RBFOX1: variants seen among roughly 807,000 people sequenced by gnomAD.
RBFOX1 encodes RNA binding fox-1 homolog 1.
A neutral mutation model predicts 57.7 loss-of-function variants in RBFOX1; 8 were observed. The observed-to-expected ratio is 0.14, with a 90% confidence interval of 0.08 to 0.25. RBFOX1 has a LOEUF of 0.25. RBFOX1 is among the 10% of genes least tolerant of loss of function. The pLI, the probability that RBFOX1 is intolerant of heterozygous loss-of-function variation, is 1.00. For missense variants in RBFOX1, 611 were observed against 548.5 expected (o/e 1.11, Z -1.14); for synonymous variants, 326 against 222.4 (o/e 1.47, Z -4.15).
chr16:6,573,614 T>C (rs914799146), intron 2 of RBFOX1, among the ~76,000 whole-genome samples: 1 of 152,152 alleles, frequency 6.6e-6, no homozygotes, highest in Non-Finnish European at 1.5e-5. Flanking sequence ...TTTGGAGAGG[T>C]AGAAAAACTC....
At chr16:5,753,814 A>C (rs915239675) in intron 3 of RBFOX1, among the ~76,000 whole-genome samples, 1 of 151,970 alleles carries the variant, frequency 6.6e-6, no homozygotes, top group African/African-American at 2.4e-5. Context: ...CCTCAGATCT[A>C]CAAATAAGTA....
chr16:5,345,034 GTTC>G (rs1422818251), intron 1 of RBFOX1, among the ~76,000 whole-genome samples: 1 of 152,232 alleles, frequency 6.6e-6, no homozygotes, highest in Admixed American at 6.5e-5. Flanking sequence ...CATCTGTCTA[GTTC>G]TTCTGTTCCC....
intron 3 of RBFOX1, among the ~76,000 whole-genome samples, chr16:5,660,040 A>G (rs967063547): frequency 2.0e-5 from 3 of 152,070 alleles, no homozygotes; most frequent in Non-Finnish European, 4.4e-5. Context: ...ACATCCTGAG[A>G]GGGGACCCAT....
At chr16:5,279,854 T>C (rs2063230006) in intron 1 of RBFOX1, among the ~76,000 whole-genome samples, 1 of 152,200 alleles carries the variant, frequency 6.6e-6, no homozygotes, top group Non-Finnish European at 1.5e-5. Flanking sequence ...TTTTTCTGTT[T>C]ACGAGTATAA....
At chr16:6,881,824 C>A (rs1196257382) in intron 3 of RBFOX1, among the ~76,000 whole-genome samples, 1 of 151,134 alleles carries the variant, frequency 6.6e-6, no homozygotes, top group South Asian at 2.1e-4. Context: ...TTTTATTCTC[C>A]CTATTTTACA....
chr16:6,958,998 AAGG>A (rs1432951670), intron 3 of RBFOX1, among the ~76,000 whole-genome samples: 2 of 152,226 alleles, frequency 1.3e-5, no homozygotes, highest in African/African-American at 2.4e-5. Flanking sequence ...AATTAATTAT[AAGG>A]AGAATATTAA....
At chr16:6,057,825 G>GTTTT (rs34335596) in intron 1 of RBFOX1, among the ~76,000 whole-genome samples, 9,309 of 80,758 alleles carry the variant, frequency 0.12, 621 homozygotes, top group African/African-American at 0.14. Flanking sequence ...TTTGCTATGG[G>GTTTT]TTTTTTTTTT....
chr16:7,314,698 T>G (rs1441103344), intron 4 of RBFOX1, among the ~76,000 whole-genome samples: 1 of 152,168 alleles, frequency 6.6e-6, no homozygotes, highest in Non-Finnish European at 1.5e-5. Context: ...TCAGATCACA[T>G]TAGAATCCTC....
In RBFOX1 at chr16:7,502,323, T is replaced by G. The variant is rs139340420; in HGVS notation, c.28-15824T>G. Among the ~76,000 whole-genome samples, 12 of 152,352 alleles carry G rather than the reference T, an allele frequency of 7.9e-5. No homozygotes were observed. The East Asian group carries it at 2.3e-3, about 29-fold the overall frequency. ...AGATACATGGACAAGCACCTGCCCT[T>G]AAGGAGCTTACAACATTGTGGGAGG... On this transcript the variant is annotated intron_variant, in intron 4 of 15. Transcript: ENST00000550418.
chr16:6,528,434 A>G (rs894879291), intron 2 of RBFOX1, among the ~76,000 whole-genome samples: 4 of 152,146 alleles, frequency 2.6e-5, no homozygotes, highest in Non-Finnish European at 5.9e-5. Flanking sequence ...ATAAAACATG[A>G]CCTTGACTTT....
intron 3 of RBFOX1, among the ~76,000 whole-genome samples, chr16:6,946,807 G>C (rs991566556): frequency 6.6e-6 from 1 of 152,106 alleles, no homozygotes; most frequent in Non-Finnish European, 1.5e-5. Context: ...GGGTCTCACT[G>C]TATTGCCCAA....
chr16:6,551,028 A>G (rs997690521), intron 2 of RBFOX1, among the ~76,000 whole-genome samples: 2 of 152,002 alleles, frequency 1.3e-5, no homozygotes, highest in Admixed American at 1.3e-4. Context: ...GCAGAGGAGG[A>G]GATGGATTTT....
chr16:5,979,115 G>C (rs1437553059), intron 4 of RBFOX1, among the ~76,000 whole-genome samples: 1 of 152,146 alleles, frequency 6.6e-6, no homozygotes, highest in Non-Finnish European at 1.5e-5. Context: ...CTTTCTTTTG[G>C]GGCAGAAATG....
intron 2 of RBFOX1, among the ~76,000 whole-genome samples, chr16:6,363,874 A>G (rs1167176428): frequency 6.6e-6 from 1 of 152,226 alleles, no homozygotes; most frequent in Non-Finnish European, 1.5e-5. Flanking sequence ...GAGATGTTTT[A>G]TTAAATGAAA....
At chr16:6,652,756 T>C (rs1021164119) in intron 2 of RBFOX1, among the ~76,000 whole-genome samples, 8 of 151,854 alleles carry the variant, frequency 5.3e-5, no homozygotes, top group African/African-American at 1.7e-4. Flanking sequence ...TTTCAGGGGC[T>C]CTGGGAGGGG....
intron 2 of RBFOX1, among the ~76,000 whole-genome samples, chr16:6,541,801 G>A (rs750128448): frequency 6.6e-6 from 1 of 152,190 alleles, no homozygotes; most frequent in Non-Finnish European, 1.5e-5. Flanking sequence ...CCTAGACTTA[G>A]TGGAAGAGGT....
intron 4 of RBFOX1, among the ~76,000 whole-genome samples, chr16:7,137,873 C>A (rs775003586): frequency 2.0e-5 from 3 of 152,160 alleles, no homozygotes; most frequent in Non-Finnish European, 4.4e-5. Context: ...TATTGAGCAT[C>A]TGTGATTTGC....
chr16:7,575,816 G>C (rs192468910), intron 5 of RBFOX1, among the ~76,000 whole-genome samples: 1 of 152,294 alleles, frequency 6.6e-6, no homozygotes, highest in Admixed American at 6.5e-5. Context: ...ACACTCAGTG[G>C]AGGGCTTTGT....
intron 3 of RBFOX1, among the ~76,000 whole-genome samples, chr16:5,730,288 G>A (rs564378354): frequency 6.6e-6 from 1 of 152,078 alleles, no homozygotes; most frequent in Non-Finnish European, 1.5e-5. Context: ...GGGATTTAGT[G>A]CCACAGAGCA....
Sources: gnomAD v4.1 joint callset for allele counts (sites outside exome capture counted in the v4.1 genomes callset) on GRCh38, gnomAD v4.1.1 for gene constraint, MANE v1.5 for transcripts, NCBI Gene and HGNC (gene_info 2026-07-23, HGNC 2026-07-21) for gene names.